MSI2: variants seen among roughly 807,000 people sequenced by gnomAD.
MSI2 encodes the protein musashi RNA binding protein 2, also known as RNA-binding protein Musashi homolog 2.
In MSI2, 17 loss-of-function variants were observed where a neutral mutation model predicts 45.6. That is an observed-to-expected ratio of 0.37 (90% CI 0.26 to 0.56). The LOEUF is 0.56. Ranked by LOEUF, MSI2 falls within the 20% of genes least tolerant of loss-of-function variation. MSI2 has a pLI of 0.77. For missense variants in MSI2, 293 were observed against 444.2 expected, an observed-to-expected ratio of 0.66 and a Z score of 3.06; for synonymous variants, 156 against 158.2, an observed-to-expected ratio of 0.99 and a Z score of 0.11.
At chr17:57,602,442 TC>T (rs1906001832) in intron 8 of MSI2, among the ~76,000 whole-genome samples, 2 of 152,236 alleles carry the variant, frequency 1.3e-5, no homozygotes. Context: ...AACCTCTGCC[TC>T]CCAGGTCTGA....
chr17:57,461,791 C>T (rs1404229707), intron 6 of MSI2, among the ~76,000 whole-genome samples: 2 of 152,174 alleles, frequency 1.3e-5, no homozygotes, highest in Non-Finnish European at 2.9e-5. Context: ...CCTCGGCCTC[C>T]CAAAGTACTG....
chr17:57,472,169 C>T (rs1490635369), intron 6 of MSI2, among the ~76,000 whole-genome samples: 1 of 152,132 alleles, frequency 6.6e-6, no homozygotes, highest in African/African-American at 2.4e-5. Context: ...ATAATGGATG[C>T]CTATGAAAGA....
intron 7 of MSI2, among the ~76,000 whole-genome samples, chr17:57,586,079 A>G (rs1203662156): frequency 6.6e-6 from 1 of 152,236 alleles, no homozygotes; most frequent in Non-Finnish European, 1.5e-5. Context: ...TTTCCCGACC[A>G]AGATGGAACA....
intron 5 of MSI2, among the ~76,000 whole-genome samples, chr17:57,340,820 A>G (rs1188329774): frequency 6.6e-6 from 1 of 152,174 alleles, no homozygotes; most frequent in East Asian, 1.9e-4. Context: ...CGTGCCAGAC[A>G]TTCTTATCAG....
At chr17:57,378,068 T>G (rs2083531664) in intron 5 of MSI2, among the ~76,000 whole-genome samples, 1 of 142,190 alleles carries the variant, frequency 7.0e-6, no homozygotes, top group Non-Finnish European at 1.5e-5. Context: ...GAGCGAGACA[T>G]CATCTCAAAA....
intron 8 of MSI2, among the ~76,000 whole-genome samples, chr17:57,613,300 C>A (rs1235421179): frequency 6.6e-6 from 1 of 152,144 alleles, no homozygotes; most frequent in Non-Finnish European, 1.5e-5. Flanking sequence ...AAGTCAGTGA[C>A]ATTTGCTGTT....
chr17:57,292,146 C>T (rs1205574169), intron 5 of MSI2, among the ~76,000 whole-genome samples: 1 of 151,432 alleles, frequency 6.6e-6, no homozygotes, highest in Non-Finnish European at 1.5e-5. Flanking sequence ...TAGGGAGACC[C>T]TCGGACAGCT....
intron 6 of MSI2, among the ~76,000 whole-genome samples, chr17:57,474,246 C>T (rs78378898): frequency 3.9e-5 from 6 of 152,280 alleles, no homozygotes; most frequent in Non-Finnish European, 7.4e-5. Flanking sequence ...ATTTATTCAG[C>T]ATCTCATTTA....
chr17:57,272,511 T>A (rs999903082), intron 5 of MSI2, among the ~76,000 whole-genome samples: 6 of 152,170 alleles, frequency 3.9e-5, no homozygotes, highest in African/African-American at 1.4e-4. Context: ...TCGATAACAC[T>A]TCATATTGGT....
chr17:57,467,501 A>T (rs1204997791), intron 6 of MSI2, among the ~76,000 whole-genome samples: 1 of 152,186 alleles, frequency 6.6e-6, no homozygotes, highest in Non-Finnish European at 1.5e-5. Context: ...CAGATGAAGG[A>T]TGGATGGGCA....
At chr17:57,641,409 C>G (rs1910253116) in intron 10 of MSI2, among the ~76,000 whole-genome samples, 1 of 152,048 alleles carries the variant, frequency 6.6e-6, no homozygotes, top group Non-Finnish European at 1.5e-5. Flanking sequence ...TGACATGAAG[C>G]TGGGGAGAAA....
In MSI2 at chr17:57,682,709, G is replaced by A. The variant is rs1913690200; in HGVS notation, c.*3192G>A. On this transcript the variant is annotated 3_prime_UTR_variant, in exon 14 of 14. Coordinates refer to ENST00000284073, the MANE Select transcript of MSI2 (RefSeq NM_138962.4). ...CGTCTTTGTTTCAGTTAAGCTCAATGGCGAACATGGGAACCACCTTTCGCC... is the reference window on the plus strand; with the variant it reads ...CGTCTTTGTTTCAGTTAAGCTCAATAGCGAACATGGGAACCACCTTTCGCC... The A allele has an allele frequency of 4.6e-6, 1 of 218,304 alleles. No homozygotes were observed. Among genetic ancestry groups the A allele is most frequent in the Non-Finnish European group, 9.2e-6 (1 of 108,872 alleles). 13.5% of individuals were successfully genotyped at this position (218,304 alleles called of 1,614,324 possible).
rs766923066 is a variant in MSI2 at position 57,674,967 on chromosome 17, G to A, written c.791-5G>A. ...CGAATTTTGGCGCGCCCGCTTCCCC[G>A]GCAGGCTCCAACCCGGCGCGGCCCG... On this transcript the variant is annotated splice_region_variant and splice_polypyrimidine_tract_variant and intron_variant, in intron 11 of 13. Coordinates refer to ENST00000284073, the MANE Select transcript of MSI2 (RefSeq NM_138962.4). 1.6e-5 allele frequency: 26 copies of A among 1,612,906 alleles called. No individual in the cohort carries two copies. Among genetic ancestry groups the A allele is most frequent in the South Asian group, 3.3e-5 (3 of 90,958 alleles).
At chr17:57,482,815 C>T (rs1419974722) in intron 6 of MSI2, among the ~76,000 whole-genome samples, 6 of 152,212 alleles carry the variant, frequency 3.9e-5, no homozygotes. Flanking sequence ...TCCAGATGCA[C>T]TGGACTGTGG....
intron 6 of MSI2, among the ~76,000 whole-genome samples, chr17:57,414,951 A>G (rs921178043): frequency 6.6e-6 from 1 of 152,112 alleles, no homozygotes; most frequent in African/African-American, 2.4e-5. Flanking sequence ...GGATGTCAGG[A>G]GGGTAAAAAT....
At chr17:57,577,191 G>T (rs757711492) in intron 7 of MSI2, among the ~76,000 whole-genome samples, 1 of 152,202 alleles carries the variant, frequency 6.6e-6, no homozygotes, top group Non-Finnish European at 1.5e-5. Context: ...ATGAGTGGCC[G>T]TTTGTGAAGT....
At chr17:57,545,404 A>C (rs1373543332) in intron 7 of MSI2, among the ~76,000 whole-genome samples, 1 of 152,218 alleles carries the variant, frequency 6.6e-6, no homozygotes, top group African/African-American at 2.4e-5. Flanking sequence ...AGCTAGGAGC[A>C]CGTGCCCTTC....
At chr17:57,316,321 A>ACTT (rs1912846214) in intron 5 of MSI2, among the ~76,000 whole-genome samples, 1 of 139,840 alleles carries the variant, frequency 7.2e-6, no homozygotes, top group Non-Finnish European at 1.6e-5. Flanking sequence ...GGTTATTGCT[A>ACTT]CTTTTTTTTT....
In MSI2 at chr17:57,413,692, A is replaced by G. The variant is rs758248309; in HGVS notation, c.405+12221A>G. 7.2e-5 allele frequency among the ~76,000 whole-genome samples: 11 copies of G among 151,876 alleles called. No individual in the cohort carries two copies. The South Asian group carries it at 1.0e-3, about 14-fold the overall frequency. On this transcript the variant is annotated intron_variant, in intron 6 of 13. Transcript: ENST00000284073. ...TCCTTTTCCTTTACATATGATTCTA[A>G]TAAGCTTGGTTTTCTGGCTTCTTTT...
Sources: allele counts gnomAD v4.1 joint callset (sites outside exome capture counted in the v4.1 genomes callset), GRCh38; gene constraint gnomAD v4.1.1; transcripts MANE v1.5; gene names NCBI Gene and HGNC (gene_info 2026-07-23, HGNC 2026-07-21).